The following ATP10A variants were observed in gnomAD, a reference collection of about 807,000 sequenced individuals.
The protein encoded by ATP10A is ATPase phospholipid transporting 10A (putative).
ATP10A carries 111 observed loss-of-function variants against 147.8 expected under a neutral mutation model. The observed-to-expected ratio is 0.75, with a 90% confidence interval of 0.64 to 0.88. The LOEUF (loss-of-function observed/expected upper bound fraction) is 0.88, where lower values mean the gene tolerates loss of function less well. Ranked by LOEUF, ATP10A falls within the 40% of genes least tolerant of loss-of-function variation. The pLI is 0.00. For synonymous variants in ATP10A, 875 were observed against 841.6 expected (o/e 1.04, Z -0.69); for missense variants, 1,927 against 1,959.0 (o/e 0.98, Z 0.31).
intron 10 of ATP10A, among the ~76,000 whole-genome samples, chr15:25,712,192 A>G (rs2140384501): frequency 6.6e-6 from 1 of 152,314 alleles, no homozygotes; most frequent in South Asian, 2.1e-4. Context: ...GACGGGGTGG[A>G]GTGTGAAATG....
intron 2 of ATP10A, among the ~76,000 whole-genome samples, chr15:25,754,510 A>G (rs1319366958): frequency 6.6e-6 from 1 of 152,174 alleles, no homozygotes; most frequent in African/African-American, 2.4e-5. Context: ...TGGAATTCAC[A>G]GATTTGGATT....
At position 25,680,833 on chromosome 15, in the gene ATP10A, G is replaced by C; in HGVS notation, c.3655C>G (p.Leu1219Val). 1 of 1,613,728 alleles carries C rather than the reference G, an allele frequency of 6.2e-7. No individual in the cohort carries two copies. The highest frequency in any genetic ancestry group is 8.5e-7 in the Non-Finnish European group (1 of 1,179,996). ...TIALLTFLLH[L>V]GIETKTWTWL... The stretch of plus-strand genomic sequence containing the variant: ...ACCCAGGTTTTGGTTTCAATGCCCA[G>C]GTGGAGCAGGAAAGTGAGCAGCGCG... Residue 1219 changes from leucine (L) to valine (V), a missense_variant, in exon 19 of 21, where the codon CTG becomes GTG. Coordinates refer to ENST00000555815, the MANE Select transcript of ATP10A (RefSeq NM_024490.4).
At chr15:25,786,184 G>A (rs147085539) in intron 1 of ATP10A, among the ~76,000 whole-genome samples, 6 of 152,284 alleles carry the variant, frequency 3.9e-5, no homozygotes, top group Admixed American at 2.0e-4. Flanking sequence ...GCCAGCACAC[G>A]GCATCAGGGT....
intron 2 of ATP10A, among the ~76,000 whole-genome samples, chr15:25,762,197 G>A (rs1024851380): frequency 1.4e-4 from 22 of 152,126 alleles, no homozygotes; most frequent in Admixed American, 5.2e-4. Flanking sequence ...TTCCCCTTCA[G>A]CCATGATTAT....
intron 17 of ATP10A, 120 bp downstream of exon 17, chr15:25,683,166 A>G: frequency 1.1e-6 from 1 of 933,238 alleles, no homozygotes; most frequent in Non-Finnish European, 1.6e-6. Context: ...GGTGAATTCT[A>G]GAATTTCAGT....
At chr15:25,730,061 C>T (rs4906759) in intron 3 of ATP10A, among the ~76,000 whole-genome samples, 145,614 of 150,928 alleles carry the variant, frequency 0.96, 70,446 homozygotes, top group East Asian at 1. Flanking sequence ...GAGGCCGAGG[C>T]GGGAGGATTG....
intron 1 of ATP10A, among the ~76,000 whole-genome samples, chr15:25,838,424 G>A (rs1892677652): frequency 6.6e-6 from 1 of 152,108 alleles, no homozygotes; most frequent in Non-Finnish European, 1.5e-5. Flanking sequence ...TGCCCAGCAA[G>A]GTGACAGTGA....
At chr15:25,705,884 A>G (rs887368471) in intron 12 of ATP10A, among the ~76,000 whole-genome samples, 5 of 152,234 alleles carry the variant, frequency 3.3e-5, no homozygotes, top group African/African-American at 1.2e-4. Flanking sequence ...GCTCCAGTGC[A>G]CGGCTGGCAC....
chr15:25,675,363 C>T (rs546881957), downstream of ATP10A, among the ~76,000 whole-genome samples: 9 of 152,272 alleles, frequency 5.9e-5, no homozygotes, highest in South Asian at 4.1e-4. Context: ...TCAAGTAGTT[C>T]GAAAGTATTT....
chr15:25,764,270 G>A (rs117872060), intron 2 of ATP10A, among the ~76,000 whole-genome samples: 7 of 152,344 alleles, frequency 4.6e-5, no homozygotes, highest in East Asian at 1.9e-4. Context: ...ACCGTGCAGC[G>A]CGGGCTTCCA....
chr15:25,809,128 C>T (rs1891321756), intron 1 of ATP10A, among the ~76,000 whole-genome samples: 1 of 151,980 alleles, frequency 6.6e-6, no homozygotes, highest in Non-Finnish European at 1.5e-5. Context: ...GCAGATGCTT[C>T]CTGAAGGATG....
intron 1 of ATP10A, among the ~76,000 whole-genome samples, chr15:25,797,150 C>A (rs1262508698): frequency 2.6e-5 from 4 of 152,066 alleles, no homozygotes; most frequent in African/African-American, 9.7e-5. Context: ...CTCTGGTAAC[C>A]CCCATTCTAC....
At chr15:25,808,156 G>A (rs528333496) in intron 1 of ATP10A, among the ~76,000 whole-genome samples, 15 of 152,298 alleles carry the variant, frequency 9.8e-5, no homozygotes, top group African/African-American at 3.6e-4. Flanking sequence ...AATCTTCCCT[G>A]TTCCTCAAGG....
chr15:25,718,833 C>T (rs1045115332), intron 7 of ATP10A, among the ~76,000 whole-genome samples: 23 of 152,216 alleles, frequency 1.5e-4, no homozygotes, highest in African/African-American at 4.6e-4. Flanking sequence ...CCCACATGGA[C>T]GGTGGCCACC....
chr15:25,769,071 C>A (rs1348200551), intron 2 of ATP10A, among the ~76,000 whole-genome samples: 1 of 152,158 alleles, frequency 6.6e-6, no homozygotes, highest in Non-Finnish European at 1.5e-5. Context: ...TTGACTCTCA[C>A]ACACACATGC....
In ATP10A at chr15:25,683,278, A is replaced by G. The variant is rs1278538415; in HGVS notation, c.3492+8T>C. 5 of 1,612,100 alleles carry G rather than the reference A, an allele frequency of 3.1e-6. No individual in the cohort carries two copies. Among genetic ancestry groups the G allele is most frequent in the South Asian group, 1.1e-5 (1 of 90,980 alleles). ...GAGGTGGAAGGCGGAGACTCGGGGGAGCTTTACCTCCATGTTCTGGCCACT... is the reference window on the plus strand; with the variant it reads ...GAGGTGGAAGGCGGAGACTCGGGGGGGCTTTACCTCCATGTTCTGGCCACT... On this transcript the variant is annotated splice_region_variant and intron_variant, in intron 17 of 20. Coordinates refer to ENST00000555815, the MANE Select transcript of ATP10A (RefSeq NM_024490.4).
At chr15:25,807,275 CA>C (rs1283747809) in intron 1 of ATP10A, among the ~76,000 whole-genome samples, 1 of 152,230 alleles carries the variant, frequency 6.6e-6, no homozygotes, top group Admixed American at 6.5e-5. Flanking sequence ...GTGGGGCAGC[CA>C]GCAGGGTGGC....
At chr15:25,832,169 G>A (rs985448056) in intron 1 of ATP10A, among the ~76,000 whole-genome samples, 3 of 152,192 alleles carry the variant, frequency 2.0e-5, no homozygotes, top group Non-Finnish European at 2.9e-5. Context: ...CACCACAGAC[G>A]CAGGAAGAGG....
At chr15:25,732,558 C>CTACATGCGACCCCTTCTTTTTTTTT (rs1555461688) in intron 3 of ATP10A, among the ~76,000 whole-genome samples, 1 of 84,142 alleles carries the variant, frequency 1.2e-5, no homozygotes, top group Non-Finnish European at 2.1e-5. Context: ...GCGACACCTT[C>CTACATGCGACCCCTTCTTTTTTTTT]TTTTTTTTTT....
Sources: gnomAD v4.1 joint callset for allele counts (sites outside exome capture counted in the v4.1 genomes callset) on GRCh38, gnomAD v4.1.1 for gene constraint, MANE v1.5 for transcripts, NCBI Gene and HGNC (gene_info 2026-07-23, HGNC 2026-07-21) for gene names.